The following SLC26A7 variants were observed in gnomAD, a reference collection of about 807,000 sequenced individuals.
SLC26A7 encodes the protein solute carrier family 26 member 7.
SLC26A7 carries 59 observed loss-of-function variants against 82.5 expected under a neutral mutation model. The ratio of observed to expected loss-of-function variants is 0.72; its 90% CI spans 0.58 to 0.89. SLC26A7 has a LOEUF of 0.89. Ranked by LOEUF, SLC26A7 falls within the 40% of genes least tolerant of loss-of-function variation. SLC26A7 has a pLI of 0.00. For synonymous variants in SLC26A7, 271 were observed against 274.3 expected (o/e 0.99, Z 0.12); for missense variants, 820 against 793.0 (o/e 1.03, Z -0.41).
intron 16 of SLC26A7, 149 bp from the exon 17 acceptor site, chr8:91,393,648 T>C: frequency 1.3e-6 from 1 of 762,570 alleles, no homozygotes; most frequent in Non-Finnish European, 2.2e-6. Flanking sequence ...TGCCAGATTA[T>C]GCCTGACTGT....
intron 2 of SLC26A7, among the ~76,000 whole-genome samples, chr8:91,225,185 G>A (rs1206873733): frequency 6.6e-6 from 1 of 152,212 alleles, no homozygotes; most frequent in Non-Finnish European, 1.5e-5. Context: ...GCAGGCAGTG[G>A]CAGCAGGTGC....
At chr8:91,252,490 A>T (rs1810686348) in intron 2 of SLC26A7, among the ~76,000 whole-genome samples, 2 of 151,910 alleles carry the variant, frequency 1.3e-5, no homozygotes, top group South Asian at 2.1e-4. Context: ...CTTGGTTTTT[A>T]GACACCACTC....
rs577612486 is a variant in SLC26A7, at chr8:91,339,354, G to A, written c.879-1050G>A. 6.6e-5 allele frequency among the ~76,000 whole-genome samples: 10 copies of A among 151,996 alleles called. No individual in the cohort carries two copies. In the South Asian group the frequency reaches 1.5e-3, roughly 22 times the overall value. On this transcript the variant is annotated intron_variant, in intron 7 of 18. Coordinates refer to ENST00000276609, the MANE Select transcript of SLC26A7 (RefSeq NM_052832.4). ...TTGAGTGACCTTTCCAGACCCATCC[G>A]CTAAAGGAATTATAACAAGAACATG...
chr8:91,212,635 AT>A (rs1197939009), intron 1 of SLC26A7, among the ~76,000 whole-genome samples: 1 of 152,176 alleles, frequency 6.6e-6, no homozygotes, highest in Non-Finnish European at 1.5e-5. Flanking sequence ...GTAAAAAGTT[AT>A]TACTGTTAAG....
intron 2 of SLC26A7, among the ~76,000 whole-genome samples, chr8:91,279,188 A>G (rs1811499185): frequency 6.9e-6 from 1 of 143,896 alleles, no homozygotes; most frequent in African/African-American, 2.6e-5. Flanking sequence ...TAAGAAATCC[A>G]GTTATCCTTT....
At chr8:91,374,385 GT>G (rs35097006) in intron 15 of SLC26A7, among the ~76,000 whole-genome samples, 35,434 of 143,690 alleles carry the variant, frequency 0.25, 4,258 homozygotes, top group African/African-American at 0.32. Flanking sequence ...TCTTAACACT[GT>G]TTTTTTTTTT....
At chr8:91,231,950 G>A (rs997401780) in intron 2 of SLC26A7, among the ~76,000 whole-genome samples, 1 of 152,030 alleles carries the variant, frequency 6.6e-6, no homozygotes, top group African/African-American at 2.4e-5. Context: ...ATGGGTCTTT[G>A]TGTCATTTTT....
chr8:91,359,565 AAGGTGACATGGATATAGC>A (rs1448704534), intron 11 of SLC26A7, among the ~76,000 whole-genome samples: 2 of 152,186 alleles, frequency 1.3e-5, no homozygotes, highest in East Asian at 3.8e-4. Context: ...TGGTGTGAGA[AAGGTGACATGGATATAGC>A]AGGCGCATGA....
At chr8:91,259,540 A>G (rs955514936) in intron 2 of SLC26A7, among the ~76,000 whole-genome samples, 1 of 152,090 alleles carries the variant, frequency 6.6e-6, no homozygotes, top group Non-Finnish European at 1.5e-5. Context: ...ACTTCTGAGA[A>G]TGCTTTTCAA....
chr8:91,321,233 T>G (rs763729127), intron 5 of SLC26A7, among the ~76,000 whole-genome samples: 1 of 152,212 alleles, frequency 6.6e-6, no homozygotes, highest in Non-Finnish European at 1.5e-5. Flanking sequence ...CACAATGAAA[T>G]ATTTTTAGGG....
intron 9 of SLC26A7, among the ~76,000 whole-genome samples, chr8:91,349,537 T>C (rs915737161): frequency 2.6e-5 from 4 of 152,208 alleles, no homozygotes; most frequent in Admixed American, 6.6e-5. Flanking sequence ...TAGTGTACTA[T>C]AATAAATTTG....
intron 15 of SLC26A7, among the ~76,000 whole-genome samples, chr8:91,374,672 T>C (rs1814459441): frequency 6.6e-6 from 1 of 152,112 alleles, no homozygotes; most frequent in African/African-American, 2.4e-5. Flanking sequence ...TTACAGAATG[T>C]TCCATTTGCA....
intron 4 of SLC26A7, among the ~76,000 whole-genome samples, chr8:91,313,671 C>T (rs890569953): frequency 2.0e-5 from 3 of 152,162 alleles, no homozygotes; most frequent in African/African-American, 7.2e-5. Context: ...CCTTTCCCAA[C>T]ATCATCATTT....
At position 91,279,123 on chromosome 8, in the gene SLC26A7, GTGTATATATA is replaced by G. The variant is rs1389715258; in HGVS notation, c.194-10011_194-10002del. Among the ~76,000 whole-genome samples, 414 of 78,722 alleles carry G rather than the reference GTGTATATATA, an allele frequency of 5.3e-3. 5 individuals are homozygous for G. Among genetic ancestry groups the G allele is most frequent in the African/African-American group, 0.023 (398 of 17,480 alleles). 51.6% of individuals were successfully genotyped at this position (78,722 alleles called of 152,430 possible). A position where few individuals can be genotyped will look rare whatever the true frequency, so the allele number is the denominator to read the frequency against. ...AGTATTTCATAGTATGTGTGTGTGTGTGTATATATATATATATATATATATATATATATAT... is the reference window on the plus strand; with the variant it reads ...AGTATTTCATAGTATGTGTGTGTGTGTATATATATATATATATATATATAT... On this transcript the variant is annotated intron_variant, in intron 2 of 18. Coordinates refer to ENST00000276609, the MANE Select transcript of SLC26A7 (RefSeq NM_052832.4).
At chr8:91,280,400 C>G (rs1008151017) in intron 2 of SLC26A7, among the ~76,000 whole-genome samples, 1 of 152,176 alleles carries the variant, frequency 6.6e-6, no homozygotes, top group Non-Finnish European at 1.5e-5. Context: ...TTTTCTTGAT[C>G]TCACGTTCCC....
At chr8:91,261,105 G>T (rs1297756440) in intron 2 of SLC26A7, among the ~76,000 whole-genome samples, 1 of 151,970 alleles carries the variant, frequency 6.6e-6, no homozygotes, top group Non-Finnish European at 1.5e-5. Context: ...ACACAATTTG[G>T]GTTGGATTTT....
intron 2 of SLC26A7, among the ~76,000 whole-genome samples, chr8:91,267,867 T>G (rs1811158168): frequency 6.6e-6 from 1 of 151,836 alleles, no homozygotes; most frequent in Non-Finnish European, 1.5e-5. Context: ...TTTTACTTCT[T>G]GAATGTAGGG....
chr8:91,332,943 A>G (rs1307908127), intron 5 of SLC26A7, among the ~76,000 whole-genome samples: 1 of 152,158 alleles, frequency 6.6e-6, no homozygotes, highest in Non-Finnish European at 1.5e-5. Context: ...TGTGCATTTA[A>G]TATTCTGTAT....
chr8:91,223,935 ACT>A (rs1303997523), intron 2 of SLC26A7, among the ~76,000 whole-genome samples: 1 of 149,804 alleles, frequency 6.7e-6, no homozygotes, highest in Admixed American at 6.6e-5. Context: ...TGGTCTTCAG[ACT>A]CTGATATCCT....
Sources: allele counts gnomAD v4.1 joint callset (sites outside exome capture counted in the v4.1 genomes callset), GRCh38; gene constraint gnomAD v4.1.1; transcripts MANE v1.5; gene names NCBI Gene and HGNC (gene_info 2026-07-23, HGNC 2026-07-21).